The following KCNT1 variants were observed in gnomAD, a reference collection of about 807,000 sequenced individuals.
KCNT1 encodes potassium channel subfamily T member 1.
A neutral mutation model predicts 147.8 loss-of-function variants in KCNT1; 78 were observed. The ratio of observed to expected loss-of-function variants is 0.53; its 90% CI spans 0.44 to 0.64. The LOEUF (loss-of-function observed/expected upper bound fraction) is 0.64, where lower values mean the gene tolerates loss of function less well. Among genes scored for constraint, KCNT1 ranks in the 30% least tolerant of loss-of-function variants. The pLI, the probability that KCNT1 is intolerant of heterozygous loss-of-function variation, is 0.00. For missense variants in KCNT1, 1,419 were observed against 1,750.3 expected (o/e 0.81, Z 3.38); for synonymous variants, 867 against 748.8 (o/e 1.16, Z -2.58).
At position 135,743,874 on chromosome 9, in the gene KCNT1, C is replaced by T. The variant is rs143400734; in HGVS notation, c.255-6224C>T. Among the ~76,000 whole-genome samples the T allele has an allele frequency of 3.5e-3, 527 of 152,366 alleles. 3 individuals are homozygous for T. Among genetic ancestry groups the T allele is most frequent in the African/African-American group, 0.012 (514 of 41,588 alleles). ...TGTCAAAACAGGGACCCCAGGGGGA[C>T]GGAGACATGTGTGTGCCCTTTCTGG... is the stretch of plus-strand genomic sequence containing the variant. On this transcript the variant is annotated intron_variant, in intron 2 of 30. Coordinates refer to ENST00000371757, the MANE Select transcript of KCNT1 (RefSeq NM_020822.3).
chr9:135,750,824 G>A (rs1168850077), intron 3 of KCNT1, 118 bp from the exon 4 acceptor site: 5 of 853,720 alleles, frequency 5.9e-6, no homozygotes, highest in South Asian at 2.8e-5. Flanking sequence ...TGCAGCCCGG[G>A]TGTGGGAGGG....
rs1831261022 is a variant in KCNT1 at position 135,752,832 on chromosome 9, T to G, written c.435-1105T>G. On this transcript the variant is annotated intron_variant, in intron 4 of 30. Transcript: ENST00000371757. This position sits in a 1 kb window ranked among gnomAD's most constrained non-coding sequence, Gnocchi z 5.1. ...GCGTGGATGGGTGGAGGGATGGATG[T>G]TGGATGGAGGGATGAGTGAATGGGT... is the stretch of plus-strand genomic sequence containing the variant. 1.6e-5 allele frequency among the ~76,000 whole-genome samples: 2 copies of G among 123,012 alleles called. No homozygotes were observed. The highest frequency in any genetic ancestry group is 8.0e-5 in the Admixed American group (1 of 12,494). 80.7% of individuals were successfully genotyped at this position (123,012 alleles called of 152,430 possible).
At chr9:135,748,094 G>C (rs1338940831) in intron 2 of KCNT1, among the ~76,000 whole-genome samples, 1 of 152,130 alleles carries the variant, frequency 6.6e-6, no homozygotes, top group Non-Finnish European at 1.5e-5. Context: ...GGCACGTGCC[G>C]CCATGCCTGG....
At position 135,765,638 on chromosome 9, in the gene KCNT1, C is replaced by T. The variant is rs1408006857; in HGVS notation, c.1215C>T (p.Val405=). 1.9e-6 allele frequency: 3 copies of T among 1,610,332 alleles called. No individual in the cohort carries two copies. The highest frequency in any genetic ancestry group is 1.7e-5 in the Admixed American group (1 of 59,892). The stretch of plus-strand genomic sequence containing the variant: ...CTGGCCGGCAGGACTATTACGTGGT[C>T]ATCCTGTGCCCCACGGAGATGGATG... ...AHPRLQDYYV[V]ILCPTEMDVQ... Residue 405 remains valine (V), a synonymous_variant, in exon 13 of 31, where the codon GTC becomes GTT. Coordinates refer to ENST00000371757, the MANE Select transcript of KCNT1 (RefSeq NM_020822.3).
intron 15 of KCNT1, among the ~76,000 whole-genome samples, chr9:135,769,684 G>A (rs919818809): frequency 6.6e-6 from 1 of 152,188 alleles, no homozygotes; most frequent in African/African-American, 2.4e-5. Context: ...CAAGGCACAG[G>A]GGCCAGGGCC....
chr9:135,781,862 C>T (rs1436315028), intron 24 of KCNT1, among the ~76,000 whole-genome samples: 2 of 152,132 alleles, frequency 1.3e-5, no homozygotes, highest in Non-Finnish European at 2.9e-5. Context: ...GCAGGAAGAT[C>T]GCTTGAGGCC....
chr9:135,778,351 TAGGGCCCCACTGGGCCTGAGGAGGGC>T, intron 21 of KCNT1, 47 bp from the exon 22 acceptor site: 1 of 1,379,658 alleles, frequency 7.2e-7, no homozygotes. Context: ...GCATGGAGGG[TAGGGCCCCACTGGGCCTGAGGAGGGC>T]AGGCCTTGAA....
chr9:135,751,805 T>C (rs1482128926), intron 4 of KCNT1, among the ~76,000 whole-genome samples: 5 of 152,090 alleles, frequency 3.3e-5, no homozygotes, highest in African/African-American at 9.7e-5. Flanking sequence ...ACCCCAGGCC[T>C]CTCTCTCTGG....
rs868420087 is a variant in KCNT1, at chr9:135,765,162, C to T, written c.1167C>T (p.Phe389=). Residue 389 remains phenylalanine, a synonymous_variant, in exon 12 of 31, where the codon TTC becomes TTT. Coordinates refer to ENST00000371757, the MANE Select transcript of KCNT1 (RefSeq NM_020822.3). ...TCAAGATCGACCTTCTCATGGACTT[C>T]CTGAACGAGTTCTACGCCCACCCCC... is the stretch of plus-strand genomic sequence containing the variant. ...SSLKIDLLMD[F]LNEFYAHPRL... 3 of 1,613,148 alleles carry T rather than the reference C, an allele frequency of 1.9e-6. No individual in the cohort carries two copies. Among genetic ancestry groups the T allele is most frequent in the Admixed American group, 3.3e-5 (2 of 60,012 alleles).
At chr9:135,746,434 G>A (rs1482439112) in intron 2 of KCNT1, among the ~76,000 whole-genome samples, 2 of 152,220 alleles carry the variant, frequency 1.3e-5, no homozygotes, top group Non-Finnish European at 2.9e-5. Context: ...GCTGCTGGGG[G>A]CGCGACTAGT....
chr9:135,773,073 T>G (rs939355618), intron 19 of KCNT1, 124 bp downstream of exon 19: 14 of 602,554 alleles, frequency 2.3e-5, no homozygotes, highest in African/African-American at 2.3e-4. Context: ...GACAGCTCCG[T>G]GGAAGTCCTT....
rs1312757905 is a variant in KCNT1, at chr9:135,714,311, T to G, written c.111-266T>G. On this transcript the variant is annotated intron_variant, in intron 1 of 30. Coordinates refer to ENST00000371757, the MANE Select transcript of KCNT1 (RefSeq NM_020822.3). This position sits in a 1 kb window ranked among gnomAD's most constrained non-coding sequence, Gnocchi z 6.2. ...CATGACAGCTCCCGTCCCCCTTACC[T>G]CCTGCCAGGCCCCGGGGCCGCTTTG... 6.6e-6 allele frequency: 1 copy of G among 151,506 alleles called. No individual in the cohort carries two copies. Among genetic ancestry groups the G allele is most frequent in the Non-Finnish European group, 1.5e-5 (1 of 67,868 alleles). 9.4% of individuals were successfully genotyped at this position (151,506 alleles called of 1,614,324 possible). A position where few individuals can be genotyped will look rare whatever the true frequency, so the allele number is the denominator to read the frequency against.
chr9:135,706,009 G>A (rs1835239784), intron 1 of KCNT1, among the ~76,000 whole-genome samples: 1 of 152,176 alleles, frequency 6.6e-6, no homozygotes. Flanking sequence ...CACAAGGCGG[G>A]CGCCCCGGGA....
chr9:135,766,672 C>A, intron 13 of KCNT1: 1 of 153,096 alleles, frequency 6.5e-6, no homozygotes, highest in Non-Finnish European at 1.5e-5. Context: ...TGTCCGGGGC[C>A]TCTTGCAGTT....
In KCNT1 at chr9:135,777,670, TTCCTGCTCCCAACTCC is replaced by T. The variant is rs1240215498; in HGVS notation, c.2522+172_2522+187del. Among the ~76,000 whole-genome samples, 6 of 151,092 alleles carry T rather than the reference TTCCTGCTCCCAACTCC, an allele frequency of 4.0e-5. No individual in the cohort carries two copies. The East Asian group carries it at 5.8e-4, about 15-fold the overall frequency. On this transcript the variant is annotated intron_variant, in intron 21 of 30. Coordinates refer to ENST00000371757, the MANE Select transcript of KCNT1 (RefSeq NM_020822.3). The stretch of plus-strand genomic sequence containing the variant: ...GCTTTCCTAAAAAGGGGGACTCTCC[TTCCTGCTCCCAACTCC>T]TCCTGCTCCCAGCTCCTCCCCACAC...
At chr9:135,726,494 T>C (rs1480930591) in intron 2 of KCNT1, among the ~76,000 whole-genome samples, 1 of 152,066 alleles carries the variant, frequency 6.6e-6, no homozygotes, top group Non-Finnish European at 1.5e-5. Context: ...CAAGCCTCAG[T>C]GGGTCCCTTG....
intron 2 of KCNT1, among the ~76,000 whole-genome samples, chr9:135,732,010 A>AGAGAGAGAGG (rs1836486423): frequency 1.0e-5 from 1 of 96,730 alleles, no homozygotes; most frequent in African/African-American, 3.8e-5. Context: ...AGAGAGAGAG[A>AGAGAGAGAGG]GAGAGAGAGA....
intron 24 of KCNT1, among the ~76,000 whole-genome samples, chr9:135,781,813 C>T (rs942430758): frequency 1.3e-5 from 2 of 152,106 alleles, no homozygotes; most frequent in Non-Finnish European, 2.9e-5. Context: ...CCAGGTGCAG[C>T]GGCTCATGCC....
rs1554766004 is a variant in KCNT1, at chr9:135,730,990, T to TGA, written c.254+16270_254+16271insGA. Among the ~76,000 whole-genome samples the TGA allele has an allele frequency of 2.2e-3, 190 of 85,550 alleles. 1 individual carries two copies. Among genetic ancestry groups the TGA allele is most frequent in the Non-Finnish European group, 2.6e-3 (118 of 44,646 alleles). The allele number at this position is 85,550 out of a possible 152,430, so 56.1% of individuals were successfully genotyped here. A position where few individuals can be genotyped will look rare whatever the true frequency, so the allele number is the denominator to read the frequency against. On this transcript the variant is annotated intron_variant, in intron 2 of 30. Coordinates refer to ENST00000371757, the MANE Select transcript of KCNT1 (RefSeq NM_020822.3). The surrounding 1 kb of genome is among the most constrained non-coding windows in gnomAD (Gnocchi z 4.7). ...AACAAAGTGAGATCCCGTCTCAAGG[T>TGA]AAAAAAAAAAAAAAAAAAAAAAAGT...
Sources: gnomAD v4.1 joint callset for allele counts (sites outside exome capture counted in the v4.1 genomes callset) on GRCh38, gnomAD v4.1.1 for gene constraint, Gnocchi (gnomAD v3.1) non-coding constraint, MANE v1.5 for transcripts, NCBI Gene and HGNC (gene_info 2026-07-23, HGNC 2026-07-21) for gene names.